Variants in TAF5L observed in about 807,000 individuals in gnomAD.
TAF5L encodes the protein TAF5-like RNA polymerase II p300/CBP-associated factor-associated factor 65 kDa subunit 5L.
Under a neutral mutation model 51.3 loss-of-function variants are expected in TAF5L, and 7 were observed. That is an observed-to-expected ratio of 0.14 (90% CI 0.08 to 0.26). TAF5L has a LOEUF of 0.26. TAF5L is among the 10% of genes least tolerant of loss of function. TAF5L has a pLI of 1.00. For synonymous variants in TAF5L, 291 were observed against 308.1 expected (o/e 0.94, Z 0.58); for missense variants, 575 against 758.9 (o/e 0.76, Z 2.85).
At position 229,625,847 on chromosome 1, in the gene TAF5L, C is replaced by T. The variant is rs995800250; in HGVS notation, c.-4+38G>A. The T allele has an allele frequency of 2.2e-5, 3 of 138,532 alleles. No individual in the cohort carries two copies. The highest frequency in any genetic ancestry group is 7.8e-5 in the African/African-American group (3 of 38,296). 8.6% of individuals were successfully genotyped at this position (138,532 alleles called of 1,614,324 possible). On this transcript the variant is annotated intron_variant, in intron 1 of 4. Coordinates refer to ENST00000258281, the Ensembl canonical transcript of TAF5L. This position sits in a 1 kb window ranked among gnomAD's most constrained non-coding sequence, Gnocchi z 4.0. ...GCCCGCGCGCGCGCGCGCCTCGCGA[C>T]CCTCCCGGCCCTCCCCGCCCGTGCT...
chr1:229,625,178 G>A lies in TAF5L; in HGVS notation c.-4+707C>T, dbSNP rs113761510. On this transcript the variant is annotated intron_variant, in intron 1 of 4. Coordinates refer to ENST00000258281, the Ensembl canonical transcript of TAF5L. The surrounding 1 kb of genome is among the most constrained non-coding windows in gnomAD (Gnocchi z 4.0). ...CCGCTAAGTCTAAAATGACACCACT[G>A]TTTCTAACCATCCACTCACTTCGGA... 6.6e-6 allele frequency among the ~76,000 whole-genome samples: 1 copy of A among 152,184 alleles called. No individual in the cohort carries two copies. The highest frequency in any genetic ancestry group is 1.5e-5 in the Non-Finnish European group (1 of 68,046).
At chr1:229,603,046 T>C in intron 3 of TAF5L, 127 bp from the exon 4 acceptor site, 1 of 1,422,792 alleles carries the variant, frequency 7.0e-7, no homozygotes, top group Non-Finnish European at 9.1e-7. Flanking sequence ...GAGTACTGAT[T>C]GAACTATAAG....
At chr1:229,610,242 G>A in intron 2 of TAF5L, 32 bp from the exon 3 acceptor site, 1 of 1,602,700 alleles carries the variant, frequency 6.2e-7, no homozygotes, top group Non-Finnish European at 8.5e-7. Flanking sequence ...AGTCAGGGCG[G>A]GAAACAGAGA....
At chr1:229,598,654 T>C (rs1283620744) in intron 4 of TAF5L, among the ~76,000 whole-genome samples, 3 of 151,564 alleles carry the variant, frequency 2.0e-5, no homozygotes, top group South Asian at 2.1e-4. Context: ...TAAAAATACA[T>C]AGGTATCAAT....
chr1:229,623,921 C>T (rs573936351), intron 1 of TAF5L, among the ~76,000 whole-genome samples: 56 of 152,262 alleles, frequency 3.7e-4, no homozygotes, highest in Non-Finnish European at 7.2e-4. Flanking sequence ...TGAGGGAGCA[C>T]AACAATGAAT....
chr1:229,594,176 G>T lies in TAF5L; in HGVS notation c.*121C>A. On this transcript the variant is annotated 3_prime_UTR_variant, in exon 5 of 5. Coordinates refer to ENST00000258281, the Ensembl canonical transcript of TAF5L. This position sits in a 1 kb window ranked among gnomAD's most constrained non-coding sequence, Gnocchi z 7.9. ...GAAGGGGGACCTGCCCGGAATGAGG[G>T]CCCAGGAGAGAGGGGAGGAGGGGGC... 1 of 1,182,254 alleles carries T rather than the reference G, an allele frequency of 8.5e-7. No homozygotes were observed. The highest frequency in any genetic ancestry group is 1.2e-6 in the Non-Finnish European group (1 of 850,188). 73.2% of individuals were successfully genotyped at this position (1,182,254 alleles called of 1,614,324 possible).
chr1:229,614,741 G>C (rs966217477), intron 1 of TAF5L, among the ~76,000 whole-genome samples: 1 of 152,144 alleles, frequency 6.6e-6, no homozygotes, highest in African/African-American at 2.4e-5. Context: ...AAAGTCCTTA[G>C]ATCACCCCCA....
At chr1:229,595,946 T>C (rs1664108517) in intron 4 of TAF5L, among the ~76,000 whole-genome samples, 1 of 152,178 alleles carries the variant, frequency 6.6e-6, no homozygotes, top group African/African-American at 2.4e-5. Context: ...ATTATAGGCA[T>C]GAGCCACCGC....
intron 1 of TAF5L, among the ~76,000 whole-genome samples, chr1:229,621,608 A>G (rs527571343): frequency 6.6e-6 from 1 of 152,362 alleles, no homozygotes; most frequent in South Asian, 2.1e-4. Flanking sequence ...ATGTCCAACT[A>G]AAAGGTAAGC....
At chr1:229,593,550 C>T (rs1663997397) in exon 5 of TAF5L, 1 of 152,072 alleles carries the variant, frequency 6.6e-6, no homozygotes, top group Non-Finnish European at 1.5e-5. Flanking sequence ...CACCCACTTC[C>T]AGAAACATGT....
intron 2 of TAF5L, among the ~76,000 whole-genome samples, chr1:229,613,168 CA>C (rs10649912): frequency 0.14 from 19,681 of 135,758 alleles, 1,945 homozygotes; most frequent in East Asian, 0.42. Context: ...GAATAACAAG[CA>C]AAAAAAAAAA....
At chr1:229,615,866 C>A (rs1055205481) in intron 1 of TAF5L, among the ~76,000 whole-genome samples, 19 of 152,310 alleles carry the variant, frequency 1.2e-4, no homozygotes, top group Admixed American at 1.2e-3. Context: ...ACACAATCAT[C>A]CCAACCAAAG....
intron 3 of TAF5L, among the ~76,000 whole-genome samples, chr1:229,604,300 T>C (rs1664502210): frequency 6.6e-6 from 1 of 152,166 alleles, no homozygotes; most frequent in African/African-American, 2.4e-5. Context: ...TAACACCCTA[T>C]TTCACTTTAT....
intron 4 of TAF5L, chr1:229,600,391 G>A (rs920584573): frequency 6.2e-5 from 61 of 985,196 alleles, no homozygotes; most frequent in East Asian, 1.1e-4. Flanking sequence ...ATGATGGAAA[G>A]CCAGAAATGC....
At chr1:229,600,974 CAGA>C (rs1664351636) in intron 4 of TAF5L, 1 of 985,218 alleles carries the variant, frequency 1.0e-6, no homozygotes, top group Non-Finnish European at 1.2e-6. Context: ...TCAGTTTTAT[CAGA>C]AGAACTCCCA....
rs370600470 is a variant in TAF5L at position 229,614,332 on chromosome 1, C to G, written c.142+9G>C. ...AGGCTCACCCCACCAGACGAGCCCC[C>G]ACCATTACCTGTTAGATTGGCCGCC... On this transcript the variant is annotated intron_variant, in intron 2 of 4. Coordinates refer to ENST00000258281, the Ensembl canonical transcript of TAF5L. The G allele has an allele frequency of 8.7e-6, 14 of 1,614,120 alleles. No homozygotes were observed. In the Admixed American group the frequency reaches 1.5e-4, roughly 17 times the overall value.
At chr1:229,611,340 A>T (rs892874235) in intron 2 of TAF5L, among the ~76,000 whole-genome samples, 1 of 152,160 alleles carries the variant, frequency 6.6e-6, no homozygotes, top group Non-Finnish European at 1.5e-5. Flanking sequence ...AACACCGGGG[A>T]AAGAAGGTGG....
Position 229,601,525 on chromosome 1 carries a change from T to C in TAF5L, c.972+670A>G, listed in dbSNP as rs994700209. Reference sequence around the variant, plus strand: ...TGAAACCCAAGCTGCGCCTGCCCTTTTCAATGACTGTCCTAAACGGTTACA... The same window carrying C: ...TGAAACCCAAGCTGCGCCTGCCCTTCTCAATGACTGTCCTAAACGGTTACA... On this transcript the variant is annotated intron_variant, in intron 4 of 4. Transcript: ENST00000258281. 7.1e-6 allele frequency: 7 copies of C among 985,328 alleles called. No individual in the cohort carries two copies. In the African/African-American group the frequency reaches 1.2e-4, roughly 17 times the overall value. 61.0% of individuals were successfully genotyped at this position (985,328 alleles called of 1,614,324 possible).
intron 3 of TAF5L, among the ~76,000 whole-genome samples, chr1:229,605,704 A>G (rs1664568807): frequency 6.6e-6 from 1 of 152,194 alleles, no homozygotes. Context: ...CATCCAATCA[A>G]TCAATCAATC....
Sources: gnomAD v4.1 joint callset for allele counts (sites outside exome capture counted in the v4.1 genomes callset) on GRCh38, gnomAD v4.1.1 for gene constraint, Gnocchi (gnomAD v3.1) non-coding constraint, MANE v1.5 for transcripts, NCBI Gene and HGNC (gene_info 2026-07-23, HGNC 2026-07-21) for gene names.